Variants in PDCD11 observed in about 807,000 individuals in gnomAD.
PDCD11 encodes the protein protein RRP5 homolog.
Under a neutral mutation model 198.9 loss-of-function variants are expected in PDCD11, and 97 were observed. That is an observed-to-expected ratio of 0.49 (90% CI 0.41 to 0.58). The LOEUF (loss-of-function observed/expected upper bound fraction) is 0.58. Ranked by LOEUF, PDCD11 falls within the 20% of genes least tolerant of loss-of-function variation. The probability of loss-of-function intolerance (pLI) is 0.00; values close to 1 mark genes in which losing one functional copy is unlikely to be tolerated. For synonymous variants in PDCD11, 893 were observed against 918.0 expected, an observed-to-expected ratio of 0.97 and a Z score of 0.49; for missense variants, 2,102 against 2,312.7, an observed-to-expected ratio of 0.91 and a Z score of 1.87.
chr10:103,436,769 C>T (rs2032171654), intron 25 of PDCD11, among the ~76,000 whole-genome samples: 1 of 152,200 alleles, frequency 6.6e-6, no homozygotes, highest in Non-Finnish European at 1.5e-5. Context: ...AGGTTCTGTC[C>T]AGCTCTGATG....
Position 103,415,021 on chromosome 10 carries a change from T to A in PDCD11, c.1388T>A (p.Ile463Lys). The part of the protein sequence containing the change: ...GAVVKGTVLT[I>K]KSYGMLVKVG... ...ATTCTCTAGGGCACAGTGCTAACCA[T>A]AAAGTCATATGGGATGCTGGTGAAG... The change falls in exon 12 of 36, where the codon ATA (isoleucine) becomes AAA (lysine). Residue 463 changes from isoleucine to lysine, a missense_variant. Transcript: ENST00000369797. The A allele has an allele frequency of 6.2e-7, 1 of 1,614,056 alleles. No individual in the cohort carries two copies. Among genetic ancestry groups the A allele is most frequent in the East Asian group, 2.2e-5 (1 of 44,878 alleles).
At chr10:103,444,445 C>T (rs569165324) in intron 34 of PDCD11, 72 bp from the exon 35 acceptor site, 3 of 1,434,196 alleles carry the variant, frequency 2.1e-6, no homozygotes, top group Admixed American at 1.7e-5. Context: ...TGCACGCTGA[C>T]CCTGCGGAAC....
Position 103,421,451 on chromosome 10 carries a change from T to C in PDCD11, c.2381T>C (p.Leu794Pro), listed in dbSNP as rs2031420154. Reference protein sequence around the residue: ...TNVDEEKQRMLLSLRLSDCGL... With the variant: ...TNVDEEKQRMPLSLRLSDCGL... Reference sequence around the variant, plus strand: ...GTGGATGAGGAGAAGCAGCGGATGCTGCTGTCACTGCGGCTGTCGGACTGT... The same window carrying C: ...GTGGATGAGGAGAAGCAGCGGATGCCGCTGTCACTGCGGCTGTCGGACTGT... Residue 794 changes from leucine to proline, a missense_variant, in exon 17 of 36, where the codon CTG becomes CCG. Leu to Pro is a moderately conservative substitution (Grantham distance 98). Coordinates refer to ENST00000369797, the MANE Select transcript of PDCD11 (RefSeq NM_014976.2). 1 of 1,604,766 alleles carries C rather than the reference T, an allele frequency of 6.2e-7. No homozygotes were observed. Among genetic ancestry groups the C allele is most frequent in the Non-Finnish European group, 8.5e-7 (1 of 1,175,616 alleles).
chr10:103,442,741 GAA>G (rs1317136566), intron 32 of PDCD11, among the ~76,000 whole-genome samples: 4 of 152,212 alleles, frequency 2.6e-5, no homozygotes, highest in African/African-American at 9.7e-5. Context: ...AACACAGTAA[GAA>G]AAGAACTCAC....
At chr10:103,401,534 G>T (rs1275298934) in intron 3 of PDCD11, among the ~76,000 whole-genome samples, 1 of 152,176 alleles carries the variant, frequency 6.6e-6, no homozygotes, top group Non-Finnish European at 1.5e-5. Flanking sequence ...CTCCCAAAGT[G>T]CTGGAATCAC....
At chr10:103,438,287 T>C (rs924603047) in intron 26 of PDCD11, among the ~76,000 whole-genome samples, 7 of 152,210 alleles carry the variant, frequency 4.6e-5, no homozygotes, top group Non-Finnish European at 7.3e-5. Context: ...GGGTCAGATA[T>C]CCAGATGTGG....
intron 21 of PDCD11, among the ~76,000 whole-genome samples, chr10:103,431,848 T>C (rs552301184): frequency 6.6e-6 from 1 of 152,222 alleles, no homozygotes; most frequent in Non-Finnish European, 1.5e-5. Flanking sequence ...CAAAGTATTA[T>C]GAAAGAAGTA....
intron 8 of PDCD11, among the ~76,000 whole-genome samples, chr10:103,412,656 G>A (rs188134233): frequency 1.0e-4 from 15 of 150,466 alleles, no homozygotes; most frequent in African/African-American, 3.7e-4. Context: ...CTAGAGATGA[G>A]GTTTCGCCAT....
intron 15 of PDCD11, 66 bp from the exon 16 acceptor site, chr10:103,419,472 A>C: frequency 6.5e-7 from 1 of 1,528,782 alleles, no homozygotes; most frequent in Non-Finnish European, 8.9e-7. Context: ...CTGTGGAGAA[A>C]GGAGATGGGA....
Position 103,418,628 on chromosome 10 carries a change from G to A in PDCD11, c.2100G>A (p.Gly700=). The A allele has an allele frequency of 1.2e-6, 2 of 1,613,626 alleles. No homozygotes were observed. The highest frequency in any genetic ancestry group is 1.7e-6 in the Non-Finnish European group (2 of 1,179,644). ...TCCTGTGTCTGAGCCAGAGCGAGGGGCGTGTTGTATCCTTGACTGGTATCT... is the reference window on the plus strand; with the variant it reads ...TCCTGTGTCTGAGCCAGAGCGAGGGACGTGTTGTATCCTTGACTGGTATCT... The part of the protein sequence containing the change: ...HRVLCLSQSE[G]RVLLCRKPAL... The change falls in exon 15 of 36, where the codon GGG becomes GGA. Residue 700 remains glycine, a synonymous_variant. Transcript: ENST00000369797.
At chr10:103,405,537 G>C (rs952651366) in intron 5 of PDCD11, among the ~76,000 whole-genome samples, 16 of 152,016 alleles carry the variant, frequency 1.1e-4, no homozygotes, top group African/African-American at 3.9e-4. Flanking sequence ...CCTGAGGCAG[G>C]GATTACAGGT....
chr10:103,430,863 A>G (rs954312819), intron 21 of PDCD11, among the ~76,000 whole-genome samples: 1 of 151,860 alleles, frequency 6.6e-6, no homozygotes, highest in Non-Finnish European at 1.5e-5. Context: ...CAATGGCACA[A>G]TCTCAGCTCA....
chr10:103,419,754 T>C, intron 16 of PDCD11, 46 bp downstream of exon 16: 1 of 1,565,752 alleles, frequency 6.4e-7, no homozygotes, highest in East Asian at 2.3e-5. Context: ...AGATACAAGG[T>C]CACAGAACCT....
chr10:103,445,323 G>A lies in PDCD11; in HGVS notation c.5445-55G>A, dbSNP rs1404303720. On this transcript the variant is annotated intron_variant, in intron 35 of 35. Coordinates refer to ENST00000369797, the MANE Select transcript of PDCD11 (RefSeq NM_014976.2). ...AGAGCAAGTGGGTGAGTGCTAGGCA[G>A]GAAGCACGTGACCTGGGACTGACAG... The A allele has an allele frequency of 2.5e-6, 4 of 1,574,190 alleles. No individual in the cohort carries two copies. In the African/African-American group the frequency reaches 5.4e-5, roughly 21 times the overall value.
At chr10:103,424,297 A>G (rs1167633264) in intron 19 of PDCD11, among the ~76,000 whole-genome samples, 1 of 152,224 alleles carries the variant, frequency 6.6e-6, no homozygotes, top group African/African-American at 2.4e-5. Flanking sequence ...GTTATTGTCT[A>G]AAGCACTTAT....
At chr10:103,403,946 G>A (rs533572791) in intron 4 of PDCD11, among the ~76,000 whole-genome samples, 1 of 152,326 alleles carries the variant, frequency 6.6e-6, no homozygotes, top group African/African-American at 2.4e-5. Flanking sequence ...ATGACATCCT[G>A]AGATAGGAAA....
At chr10:103,407,461 G>T (rs2133684499) in intron 7 of PDCD11, among the ~76,000 whole-genome samples, 1 of 152,186 alleles carries the variant, frequency 6.6e-6, no homozygotes, top group East Asian at 1.9e-4. Context: ...TACTCGGGAG[G>T]CTGAGGCAGG....
At position 103,445,327 on chromosome 10, in the gene PDCD11, G is replaced by T. The variant is rs545048187; in HGVS notation, c.5445-51G>T. ...CAAGTGGGTGAGTGCTAGGCAGGAA[G>T]CACGTGACCTGGGACTGACAGGCAA... On this transcript the variant is annotated intron_variant, in intron 35 of 35. Transcript: ENST00000369797. The T allele has an allele frequency of 1.1e-5, 17 of 1,585,176 alleles. No homozygotes were observed. The Admixed American group carries it at 2.7e-4, about 25-fold the overall frequency.
At chr10:103,441,758 G>A (rs2032392124) in intron 30 of PDCD11, 68 bp from the exon 31 acceptor site, 1 of 1,464,000 alleles carries the variant, frequency 6.8e-7, no homozygotes, top group Non-Finnish European at 9.4e-7. Context: ...CCTCCAGGTG[G>A]GCTGGCACGG....
Sources: allele counts gnomAD v4.1 joint callset (sites outside exome capture counted in the v4.1 genomes callset), GRCh38; gene constraint gnomAD v4.1.1; transcripts MANE v1.5; gene names NCBI Gene and HGNC (gene_info 2026-07-23, HGNC 2026-07-21).